The following TRPM3 variants were observed in gnomAD, a reference collection of about 807,000 sequenced individuals.
TRPM3 encodes the protein long transient receptor potential channel 3.
A neutral mutation model predicts 181.2 loss-of-function variants in TRPM3; 77 were observed. That is an observed-to-expected ratio of 0.42 (90% CI 0.35 to 0.51). The LOEUF (loss-of-function observed/expected upper bound fraction) is 0.51, where lower values mean the gene tolerates loss of function less well. Among genes scored for constraint, TRPM3 ranks in the 20% least tolerant of loss-of-function variants. The pLI is 0.01. For missense variants in TRPM3, 1,759 were observed against 2,196.7 expected, an observed-to-expected ratio of 0.80 and a Z score of 3.98; for synonymous variants, 745 against 796.4, an observed-to-expected ratio of 0.94 and a Z score of 1.09.
chr9:70,653,690 A>C (rs1388932132), intron 9 of TRPM3, among the ~76,000 whole-genome samples: 6 of 151,424 alleles, frequency 4.0e-5, no homozygotes, highest in African/African-American at 7.3e-5. Flanking sequence ...AAAAAAAAAA[A>C]AAAAAAAAAA....
chr9:70,926,231 C>G (rs2096720268), intron 1 of TRPM3, among the ~76,000 whole-genome samples: 1 of 152,064 alleles, frequency 6.6e-6, no homozygotes, highest in South Asian at 2.1e-4. Flanking sequence ...TAAATCTGAG[C>G]TTGGAGGCTT....
At chr9:70,905,966 C>T (rs1230901989) in intron 1 of TRPM3, among the ~76,000 whole-genome samples, 1 of 152,102 alleles carries the variant, frequency 6.6e-6, no homozygotes, top group Non-Finnish European at 1.5e-5. Context: ...CTGCAATCCT[C>T]CTGCCTCAGC....
intron 1 of TRPM3, among the ~76,000 whole-genome samples, chr9:70,913,394 A>G (rs994431216): frequency 4.6e-5 from 7 of 152,208 alleles, no homozygotes; most frequent in Non-Finnish European, 5.9e-5. Context: ...TGCATTGGCC[A>G]GGATCATTGT....
intron 8 of TRPM3, among the ~76,000 whole-genome samples, chr9:70,745,419 A>C (rs577969669): frequency 1.3e-5 from 2 of 152,144 alleles, no homozygotes; most frequent in Non-Finnish European, 2.9e-5. Context: ...CATACGGAAA[A>C]CATTTTGAGT....
rs1291502392 is a variant in TRPM3, at chr9:70,536,012, A to G, written c.5101T>C (p.Ser1701Pro). 1.5e-5 allele frequency: 25 copies of G among 1,613,864 alleles called. No individual in the cohort carries two copies. The highest frequency in any genetic ancestry group is 2.1e-5 in the Non-Finnish European group (25 of 1,179,880). The change falls in exon 26 of 26, where the codon TCC becomes CCC. Residue 1701 changes from serine to proline, a missense_variant. By Grantham distance (74) the Ser-to-Pro change is moderately conservative. Coordinates refer to ENST00000677713, the MANE Select transcript of TRPM3 (RefSeq NM_001366145.2). Reference protein sequence around the residue: ...SKPEGRGDSLSMRRLSRTSAF... With the variant: ...SKPEGRGDSLPMRRLSRTSAF... Reference sequence around the variant, plus strand: ...GATGTTCTGGACAGTCTCCTCATGGACAGGCTGTCCCCTCGGCCCTCCGGC... The same window carrying G: ...GATGTTCTGGACAGTCTCCTCATGGGCAGGCTGTCCCCTCGGCCCTCCGGC...
At chr9:70,949,402 G>A (rs950517375) in intron 1 of TRPM3, among the ~76,000 whole-genome samples, 1 of 152,022 alleles carries the variant, frequency 6.6e-6, no homozygotes, top group African/African-American at 2.4e-5. Flanking sequence ...TGGACAGCAC[G>A]GAGGGCAGCA....
chr9:70,755,132 A>C (rs1264226734), intron 8 of TRPM3, among the ~76,000 whole-genome samples: 1 of 152,192 alleles, frequency 6.6e-6, no homozygotes, highest in East Asian at 1.9e-4. Context: ...TCTTAAGAAC[A>C]CACAGGCCAA....
intron 1 of TRPM3, among the ~76,000 whole-genome samples, chr9:71,274,369 T>C (rs2132147678): frequency 6.6e-6 from 1 of 152,332 alleles, no homozygotes; most frequent in South Asian, 2.1e-4. Context: ...TCCTTCAGAA[T>C]GGGACAGCTG....
At chr9:70,644,435 T>C (rs533014450) in intron 9 of TRPM3, among the ~76,000 whole-genome samples, 4 of 152,134 alleles carry the variant, frequency 2.6e-5, no homozygotes, top group Admixed American at 1.3e-4. Flanking sequence ...TATGGAGTCA[T>C]TGGACAACCA....
At chr9:70,665,565 G>T (rs990903419) in intron 9 of TRPM3, among the ~76,000 whole-genome samples, 13 of 152,100 alleles carry the variant, frequency 8.5e-5, no homozygotes, top group African/African-American at 3.1e-4. Context: ...TCAGTACTTC[G>T]CAGGTGTCCC....
chr9:70,838,001 C>T (rs1405185348), intron 5 of TRPM3, among the ~76,000 whole-genome samples: 2 of 152,046 alleles, frequency 1.3e-5, no homozygotes, highest in African/African-American at 4.8e-5. Flanking sequence ...TATATGCAGT[C>T]GCAGAGCACA....
At chr9:71,401,279 A>T (rs1411046507) in intron 1 of TRPM3, among the ~76,000 whole-genome samples, 2 of 152,062 alleles carry the variant, frequency 1.3e-5, no homozygotes, top group Non-Finnish European at 2.9e-5. Context: ...TAACTGAAAC[A>T]AACACACGTG....
Position 70,914,221 on chromosome 9 carries a change from T to C in TRPM3, c.178-49710A>G, listed in dbSNP as rs2096567528. Among the ~76,000 whole-genome samples, 3 of 152,200 alleles carry C rather than the reference T, an allele frequency of 2.0e-5. 1 individual carries two copies. Among genetic ancestry groups the C allele is most frequent in the South Asian group, 4.1e-4 (2 of 4,832 alleles). On this transcript the variant is annotated intron_variant, in intron 1 of 25. Coordinates refer to ENST00000677713, the MANE Select transcript of TRPM3 (RefSeq NM_001366145.2). Reference sequence around the variant, plus strand: ...ATTCATCCCTTTTTCTTTTCCACCATGTGAGGACACAGCATTTGCCCCTTC... The same window carrying C: ...ATTCATCCCTTTTTCTTTTCCACCACGTGAGGACACAGCATTTGCCCCTTC...
At chr9:70,984,306 T>C (rs961762606) in intron 1 of TRPM3, among the ~76,000 whole-genome samples, 1 of 152,194 alleles carries the variant, frequency 6.6e-6, no homozygotes, top group African/African-American at 2.4e-5. Context: ...TTTCTGCCAA[T>C]AGCCTGAAAT....
rs773200431 is a variant in TRPM3, at chr9:70,535,425, C to T, written c.*528G>A. 9 of 1,550,294 alleles carry T rather than the reference C, an allele frequency of 5.8e-6. No individual in the cohort carries two copies. Among genetic ancestry groups the T allele is most frequent in the Admixed American group, 3.9e-5 (2 of 50,960 alleles). ...GACGTTAGGTAGAACTGCTTGCTGC[C>T]GGCTTATACTGAATAAAGAGGATGC... is the stretch of plus-strand genomic sequence containing the variant. On this transcript the variant is annotated 3_prime_UTR_variant, in exon 26 of 26. Transcript: ENST00000677713.
chr9:70,880,736 A>C (rs1433819565), intron 1 of TRPM3, among the ~76,000 whole-genome samples: 1 of 152,130 alleles, frequency 6.6e-6, no homozygotes, highest in Non-Finnish European at 1.5e-5. Context: ...GACCTCATTG[A>C]TAGCTTCCTC....
intron 1 of TRPM3, among the ~76,000 whole-genome samples, chr9:71,005,011 C>A (rs1426469396): frequency 6.6e-6 from 1 of 152,136 alleles, no homozygotes; most frequent in Non-Finnish European, 1.5e-5. Flanking sequence ...CTTCTACATA[C>A]TAGGAGTTCC....
At chr9:71,387,162 A>G (rs1179453161) in intron 1 of TRPM3, among the ~76,000 whole-genome samples, 1 of 152,216 alleles carries the variant, frequency 6.6e-6, no homozygotes, top group African/African-American at 2.4e-5. Context: ...AATTTAGATT[A>G]TCTAAAAGGG....
At chr9:70,905,769 G>A (rs768275387) in intron 1 of TRPM3, among the ~76,000 whole-genome samples, 14 of 150,790 alleles carry the variant, frequency 9.3e-5, no homozygotes, top group South Asian at 2.1e-4. Context: ...TTGAGACAGC[G>A]TCTTGCTGTG....
Sources: gnomAD v4.1 joint callset for allele counts (sites outside exome capture counted in the v4.1 genomes callset) on GRCh38, gnomAD v4.1.1 for gene constraint, MANE v1.5 for transcripts, NCBI Gene and HGNC (gene_info 2026-07-23, HGNC 2026-07-21) for gene names.